The following VAT1L variants were observed in gnomAD, a reference collection of about 807,000 sequenced individuals.
VAT1L encodes vesicle amine transport 1 like.
In VAT1L, 34 loss-of-function variants were observed where a neutral mutation model predicts 44.1. That is an observed-to-expected ratio of 0.77 (90% confidence interval 0.59 to 1.03). The LOEUF is 1.03. Ranked by LOEUF, VAT1L falls within the 50% of genes least tolerant of loss-of-function variation. The pLI, the probability that VAT1L is intolerant of heterozygous loss-of-function variation, is 0.00. For synonymous variants in VAT1L, 253 were observed against 202.2 expected (o/e 1.25, Z -2.13); for missense variants, 615 against 538.8 (o/e 1.14, Z -1.40).
intron 7 of VAT1L, among the ~76,000 whole-genome samples, chr16:77,938,523 T>C (rs996204407): frequency 9.2e-5 from 14 of 152,188 alleles, no homozygotes; most frequent in South Asian, 4.1e-4. Context: ...CTCTTGGTAC[T>C]GTACAGCGAG....
At chr16:77,790,604 T>G (rs1478614510) in intron 1 of VAT1L, among the ~76,000 whole-genome samples, 1 of 152,142 alleles carries the variant, frequency 6.6e-6, no homozygotes, top group African/African-American at 2.4e-5. Flanking sequence ...CAAAAAAAAT[T>G]ACCTGTATAC....
chr16:77,953,266 C>T (rs596061), intron 7 of VAT1L, among the ~76,000 whole-genome samples: 52,574 of 151,996 alleles, frequency 0.35, 9,166 homozygotes, highest in South Asian at 0.46. Flanking sequence ...TGTGAGAAAA[C>T]AAATTTCTGT....
intron 5 of VAT1L, 98 bp downstream of exon 5, chr16:77,876,571 G>C (rs1433418249): frequency 2.9e-6 from 3 of 1,049,522 alleles, no homozygotes; most frequent in Non-Finnish European, 4.4e-6. Context: ...GATATGTTGG[G>C]GTAGTGGGAT....
intron 7 of VAT1L, among the ~76,000 whole-genome samples, chr16:77,947,065 G>A: frequency 6.6e-6 from 1 of 152,190 alleles, no homozygotes; most frequent in South Asian, 2.1e-4. Flanking sequence ...AAAACACTCA[G>A]CTAATAGGCA....
intron 3 of VAT1L, among the ~76,000 whole-genome samples, chr16:77,857,733 T>C (rs924085682): frequency 6.7e-6 from 1 of 149,814 alleles, no homozygotes; most frequent in African/African-American, 2.4e-5. Context: ...TACATTATTC[T>C]AGTTATAAGT....
Position 77,879,256 on chromosome 16 carries a change from G to A in VAT1L, c.882+32G>A. 2 of 1,605,822 alleles carry A rather than the reference G, an allele frequency of 1.2e-6. No individual in the cohort carries two copies. Among genetic ancestry groups the A allele is most frequent in the South Asian group, 1.1e-5 (1 of 90,718 alleles). ...ATCCAGGCACATCTGATGTACTGTG[G>A]TGGCATGTTGATTCACATGTTGAGA... On this transcript the variant is annotated intron_variant, in intron 6 of 8. Coordinates refer to ENST00000302536, the MANE Select transcript of VAT1L (RefSeq NM_020927.3). This position sits in a 1 kb window ranked among gnomAD's most constrained non-coding sequence, Gnocchi z 4.1.
At chr16:77,919,087 C>G (rs531780501) in intron 7 of VAT1L, among the ~76,000 whole-genome samples, 1 of 152,292 alleles carries the variant, frequency 6.6e-6, no homozygotes, top group East Asian at 1.9e-4. Context: ...CAACTAGGCA[C>G]TAATGAAAGG....
intron 7 of VAT1L, among the ~76,000 whole-genome samples, chr16:77,963,650 C>T (rs896129425): frequency 2.0e-5 from 3 of 151,902 alleles, no homozygotes; most frequent in African/African-American, 7.3e-5. Flanking sequence ...ACAGTGTCAC[C>T]GAGAGGCTGG....
rs895156537 is a variant in VAT1L at position 77,979,055 on chromosome 16, G to T, written c.*1360G>T. 3.3e-5 allele frequency: 5 copies of T among 152,364 alleles called. No homozygotes were observed. The highest frequency in any genetic ancestry group is 9.7e-5 in the African/African-American group (4 of 41,444). 9.4% of individuals were successfully genotyped at this position (152,364 alleles called of 1,614,324 possible). The stretch of plus-strand genomic sequence containing the variant: ...CATCAGAGGGATTTTACATTGCCCA[G>T]TTTCTCCACCAACAAGCCTTAGGGT... On this transcript the variant is annotated 3_prime_UTR_variant, in exon 9 of 9. Transcript: ENST00000302536.
chr16:77,816,240 T>C (rs910190461), intron 1 of VAT1L, among the ~76,000 whole-genome samples: 8 of 152,210 alleles, frequency 5.3e-5, no homozygotes, highest in Non-Finnish European at 1.2e-4. Context: ...ATAATATCTC[T>C]CATCTGGAAA....
chr16:77,958,676 T>C (rs1447708203), intron 7 of VAT1L, among the ~76,000 whole-genome samples: 4 of 152,250 alleles, frequency 2.6e-5, no homozygotes, highest in Non-Finnish European at 4.4e-5. Flanking sequence ...ATTCTGGCTC[T>C]TGGTTCAATG....
At chr16:77,809,239 A>G (rs1328109912) in intron 1 of VAT1L, among the ~76,000 whole-genome samples, 1 of 152,196 alleles carries the variant, frequency 6.6e-6, no homozygotes, top group African/African-American at 2.4e-5. Flanking sequence ...TGGTTGTTGT[A>G]AAACTGAAAT....
chr16:77,892,385 A>T (rs1045323860), intron 7 of VAT1L: 3 of 386,540 alleles, frequency 7.8e-6, no homozygotes, highest in African/African-American at 6.3e-5. Context: ...GCAAGGATTT[A>T]AAAGCATCTC....
In VAT1L at chr16:77,979,817, C is replaced by T. The variant is rs918773947; in HGVS notation, c.*2122C>T. 1 of 152,634 alleles carries T rather than the reference C, an allele frequency of 6.6e-6. No homozygotes were observed. Among genetic ancestry groups the T allele is most frequent in the African/African-American group, 2.4e-5 (1 of 41,450 alleles). The allele number at this position is 152,634 out of a possible 1,614,324, so 9.5% of individuals were successfully genotyped here. On this transcript the variant is annotated 3_prime_UTR_variant, in exon 9 of 9. Transcript: ENST00000302536. ...GAAAACTAGAGTTTGACCAATAAGA[C>T]CAATTTCTGCCATGAAGAACCGGGG...
chr16:77,845,076 T>C (rs556588053), intron 3 of VAT1L, among the ~76,000 whole-genome samples: 1 of 152,308 alleles, frequency 6.6e-6, no homozygotes, highest in Admixed American at 6.5e-5. Flanking sequence ...ATTAAGTCAT[T>C]GGAAGAGCAT....
At position 77,879,321 on chromosome 16, in the gene VAT1L, T is replaced by A; in HGVS notation, c.882+97T>A. 1 of 1,369,292 alleles carries A rather than the reference T, an allele frequency of 7.3e-7. No homozygotes were observed. The highest frequency in any genetic ancestry group is 1.0e-6 in the Non-Finnish European group (1 of 961,304). The allele number at this position is 1,369,292 out of a possible 1,614,324, so 84.8% of individuals were successfully genotyped here. On this transcript the variant is annotated intron_variant, in intron 6 of 8. Coordinates refer to ENST00000302536, the MANE Select transcript of VAT1L (RefSeq NM_020927.3). The surrounding 1 kb of genome is among the most constrained non-coding windows in gnomAD (Gnocchi z 4.1). The stretch of plus-strand genomic sequence containing the variant: ...TGTTTGTTTGTTTTGAGACAGCGTC[T>A]CGTTCTGTCACCAGGCTGGAGTGCA...
intron 4 of VAT1L, among the ~76,000 whole-genome samples, chr16:77,865,062 C>T (rs1187263978): frequency 6.6e-6 from 1 of 150,624 alleles, no homozygotes; most frequent in Admixed American, 6.7e-5. Context: ...CAAGCTCCAC[C>T]TCCTGGGTTC....
At chr16:77,822,721 C>G (rs1184930875) in intron 2 of VAT1L, among the ~76,000 whole-genome samples, 6 of 152,108 alleles carry the variant, frequency 3.9e-5, no homozygotes, top group Non-Finnish European at 5.9e-5. Flanking sequence ...GTCCTCCTTG[C>G]CCAGCTGTCG....
At chr16:77,923,520 T>C (rs968038903) in intron 7 of VAT1L, among the ~76,000 whole-genome samples, 9 of 152,158 alleles carry the variant, frequency 5.9e-5, no homozygotes, top group East Asian at 3.9e-4. Context: ...CCTGGAAAGA[T>C]TGATGTTAAC....
Sources: gnomAD v4.1 joint callset for allele counts (sites outside exome capture counted in the v4.1 genomes callset) on GRCh38, gnomAD v4.1.1 for gene constraint, Gnocchi (gnomAD v3.1) non-coding constraint, MANE v1.5 for transcripts, NCBI Gene and HGNC (gene_info 2026-07-23, HGNC 2026-07-21) for gene names.